POLR1A: variants seen among roughly 807,000 people sequenced by gnomAD.
POLR1A encodes the protein RNA polymerase I subunit A, also known as DNA-directed RNA polymerase I subunit RPA1.
Under a neutral mutation model 205.3 loss-of-function variants are expected in POLR1A, and 84 were observed. The observed-to-expected ratio is 0.41, with a 90% CI of 0.34 to 0.49. POLR1A has a LOEUF of 0.49. POLR1A is among the 20% of genes least tolerant of loss of function. POLR1A has a pLI of 0.22. For synonymous variants in POLR1A, 799 were observed against 863.7 expected (o/e 0.93, Z 1.31); for missense variants, 1,645 against 2,204.5 (o/e 0.75, Z 5.08).
chr2:86,065,495 A>T, intron 13 of POLR1A, 30 bp from the exon 14 acceptor site: 1 of 1,585,124 alleles, frequency 6.3e-7, no homozygotes, highest in South Asian at 1.1e-5. Context: ...ACACAAGAAG[A>T]ATGAAAATAA....
chr2:86,094,032 CTT>C (rs1673657667), intron 3 of POLR1A, among the ~76,000 whole-genome samples: 1 of 152,182 alleles, frequency 6.6e-6, no homozygotes, highest in African/African-American at 2.4e-5. Context: ...GCTAACACAT[CTT>C]TGGCAGGAAT....
At chr2:86,038,620 T>C (rs982593303) in intron 27 of POLR1A, 80 bp downstream of exon 27, 2 of 1,411,856 alleles carry the variant, frequency 1.4e-6, no homozygotes, top group African/African-American at 1.4e-5. Flanking sequence ...TCTAGGAGCC[T>C]TGTGGCTAGG....
chr2:86,032,337 C>T lies in POLR1A; in HGVS notation c.4207G>A (p.Ala1403Thr). ...TCGGCGTCCCCCTCCTCAGCTTCAG[C>T]ATCCACAATGTGCCCCTCCTCTTCC... ...DEEEEGHIVD[A>T]EAEEGDADAS... is the part of the protein sequence containing the mutation. The change falls in exon 29 of 34, where the codon GCT becomes ACT. Residue 1403 changes from alanine to threonine, a missense_variant. Ala to Thr is a moderately conservative substitution (Grantham distance 58, BLOSUM62 0). This residue lies in a region of POLR1A where 394 missense variants were observed against 468.5 expected (regional missense o/e 0.84). Transcript: ENST00000263857. 2 of 1,613,862 alleles carry T rather than the reference C, an allele frequency of 1.2e-6. No homozygotes were observed. The highest frequency in any genetic ancestry group is 1.7e-6 in the Non-Finnish European group (2 of 1,179,732).
rs1210880073 is a variant in POLR1A, at chr2:86,098,740, C to A, written c.303G>T (p.Arg101=). Residue 101 remains arginine, a synonymous_variant, in exon 3 of 34, where the codon CGG becomes CGT. Coordinates refer to ENST00000263857, the MANE Select transcript of POLR1A (RefSeq NM_015425.6). ...LLFDKLYLLL[R]GSCLNCHMLT... is the part of the protein sequence containing the mutation. ...GCATGTGGCAGTTTAAACAAGAGCC[C>A]CGAAGCAGCAGGTACAGCTTCTGAA... 6.2e-7 allele frequency: 1 copy of A among 1,613,882 alleles called. No homozygotes were observed. Among genetic ancestry groups the A allele is most frequent in the South Asian group, 1.1e-5 (1 of 91,056 alleles).
In POLR1A at chr2:86,036,080, G is replaced by T. The variant is rs545440911; in HGVS notation, c.4035-2293C>A. ...CAGAAAGGGAACAGGAGGGGCAGGG[G>T]CAGAGAAGCCTCCCGTCCCACGTAA... On this transcript the variant is annotated intron_variant, in intron 27 of 33. Coordinates refer to ENST00000263857, the MANE Select transcript of POLR1A (RefSeq NM_015425.6). Among the ~76,000 whole-genome samples, 5 of 152,322 alleles carry T rather than the reference G, an allele frequency of 3.3e-5. No individual in the cohort carries two copies. The South Asian group carries it at 1.0e-3, about 32-fold the overall frequency.
intron 1 of POLR1A, among the ~76,000 whole-genome samples, chr2:86,104,762 T>C (rs867142692): frequency 3.9e-5 from 6 of 152,218 alleles, no homozygotes; most frequent in South Asian, 2.1e-4. Flanking sequence ...GAGTTTCTGA[T>C]ATGCATTTAG....
At chr2:86,074,331 T>G (rs958632311) in intron 12 of POLR1A, among the ~76,000 whole-genome samples, 3 of 152,216 alleles carry the variant, frequency 2.0e-5, no homozygotes, top group African/African-American at 7.2e-5. Context: ...GGCAGTCACC[T>G]ATTGACTCCG....
Position 86,093,280 on chromosome 2 carries a change from A to G in POLR1A, c.433-3351T>C, listed in dbSNP as rs539866879. ...CCTATTTTAAGGGTATAATTTATTT[A>G]TATTTTGAAACAATCTCAAATTTAT... is the stretch of plus-strand genomic sequence containing the variant. On this transcript the variant is annotated intron_variant, in intron 3 of 33. Transcript: ENST00000263857. Among the ~76,000 whole-genome samples the G allele has an allele frequency of 2.0e-3, 309 of 152,354 alleles. 1 individual carries two copies. The highest frequency in any genetic ancestry group is 6.8e-3 in the African/African-American group (281 of 41,592).
chr2:86,050,268 A>G (rs1186624080), intron 16 of POLR1A, among the ~76,000 whole-genome samples: 1 of 152,226 alleles, frequency 6.6e-6, no homozygotes, highest in Non-Finnish European at 1.5e-5. Flanking sequence ...AGAGTCCCTC[A>G]GCCAAGATCT....
chr2:86,064,741 A>C lies in POLR1A; in HGVS notation c.2058+533T>G, dbSNP rs573201033. 3.3e-5 allele frequency among the ~76,000 whole-genome samples: 5 copies of C among 152,208 alleles called. No individual in the cohort carries two copies. In the South Asian group the frequency reaches 1.0e-3, roughly 32 times the overall value. On this transcript the variant is annotated intron_variant, in intron 14 of 33. Coordinates refer to ENST00000263857, the MANE Select transcript of POLR1A (RefSeq NM_015425.6). ...AATTTAAGTTAGAAGCAAAGGACAGAAACTATGCAGTCTACTTTTTTTTTT... is the reference window on the plus strand; with the variant it reads ...AATTTAAGTTAGAAGCAAAGGACAGCAACTATGCAGTCTACTTTTTTTTTT...
chr2:86,076,383 C>T (rs1224673537), intron 11 of POLR1A, among the ~76,000 whole-genome samples: 1 of 152,230 alleles, frequency 6.6e-6, no homozygotes, highest in African/African-American at 2.4e-5. Context: ...TTCAACAGAG[C>T]ATACATATAC....
chr2:86,072,970 C>T (rs778380386), intron 12 of POLR1A, among the ~76,000 whole-genome samples: 12 of 152,110 alleles, frequency 7.9e-5, no homozygotes, highest in South Asian at 2.1e-4. Context: ...CCCAGAACTT[C>T]GGGAGGCTGA....
chr2:86,072,842 A>G (rs761856559), intron 12 of POLR1A, among the ~76,000 whole-genome samples: 2 of 152,210 alleles, frequency 1.3e-5, no homozygotes, highest in Non-Finnish European at 2.9e-5. Flanking sequence ...ACGAGACCTC[A>G]GTGTTTCCTT....
At chr2:86,039,281 G>C in intron 26 of POLR1A, 46 bp downstream of exon 26, 1 of 1,605,648 alleles carries the variant, frequency 6.2e-7, no homozygotes, top group Non-Finnish European at 8.5e-7. Flanking sequence ...GAGGATATAG[G>C]AACATGCCTT....
At chr2:86,072,112 A>C (rs1673188991) in intron 12 of POLR1A, among the ~76,000 whole-genome samples, 1 of 152,250 alleles carries the variant, frequency 6.6e-6, no homozygotes, top group Non-Finnish European at 1.5e-5. Flanking sequence ...GTGAGGTTAA[A>C]AGTTTTCTCT....
At chr2:86,089,679 GT>G in intron 4 of POLR1A, 142 bp downstream of exon 4, 1 of 618,808 alleles carries the variant, frequency 1.6e-6, no homozygotes, top group Non-Finnish European at 2.9e-6. Flanking sequence ...AATTTGTGAG[GT>G]TGCAGGTCTC....
rs56392642 is a variant in POLR1A at position 86,070,695 on chromosome 2, T to TC, written c.1612-424dup. On this transcript the variant is annotated intron_variant, in intron 12 of 33. Coordinates refer to ENST00000263857, the MANE Select transcript of POLR1A (RefSeq NM_015425.6). The surrounding 1 kb of genome is among the most constrained non-coding windows in gnomAD (Gnocchi z 4.4). ...TGAAAGGCATTGGCAGACTTTCGAA[T>TC]CCCCCCCCCGCCGTGATCACATGTG... 9.0e-4 allele frequency among the ~76,000 whole-genome samples: 96 copies of TC among 106,868 alleles called. No homozygotes were observed. Among genetic ancestry groups the TC allele is most frequent in the Middle Eastern group, 8.9e-3 (2 of 224 alleles). 70.1% of individuals were successfully genotyped at this position (106,868 alleles called of 152,430 possible).
chr2:86,049,941 T>A (rs137936919), intron 16 of POLR1A, among the ~76,000 whole-genome samples: 1 of 151,952 alleles, frequency 6.6e-6, no homozygotes, highest in African/African-American at 2.4e-5. Flanking sequence ...TTTTTGAGAC[T>A]GAGTCTTGCT....
intron 14 of POLR1A, 132 bp downstream of exon 14, chr2:86,065,142 G>T (rs3815839): frequency 1.2e-6 from 1 of 848,090 alleles, no homozygotes; most frequent in African/African-American, 1.7e-5. Context: ...CAAACAAAGG[G>T]GAAAGAAAGT....
Sources: allele counts gnomAD v4.1 joint callset (sites outside exome capture counted in the v4.1 genomes callset), GRCh38; gene constraint gnomAD v4.1.1; regional missense constraint gnomAD v4.1.1; non-coding constraint Gnocchi (gnomAD v3.1); transcripts MANE v1.5; gene names NCBI Gene and HGNC (gene_info 2026-07-23, HGNC 2026-07-21).